PLCG1: variants seen among roughly 807,000 people sequenced by gnomAD.
The protein encoded by PLCG1 is 1-phosphatidylinositol 4,5-bisphosphate phosphodiesterase gamma-1.
A neutral mutation model predicts 177.8 loss-of-function variants in PLCG1; 71 were observed. That is an observed-to-expected ratio of 0.40 (90% CI 0.33 to 0.49). PLCG1 has a LOEUF of 0.49. PLCG1 is among the 20% of genes least tolerant of loss of function. The pLI, the probability that PLCG1 is intolerant of heterozygous loss-of-function variation, is 0.72. For missense variants in PLCG1, 1,281 were observed against 1,709.0 expected, an observed-to-expected ratio of 0.75 and a Z score of 4.42; for synonymous variants, 658 against 647.9, an observed-to-expected ratio of 1.02 and a Z score of -0.24.
At chr20:41,139,844 T>C (rs971987213) in intron 1 of PLCG1, among the ~76,000 whole-genome samples, 3 of 152,176 alleles carry the variant, frequency 2.0e-5, no homozygotes, top group Non-Finnish European at 4.4e-5. Flanking sequence ...CTTAGATTGC[T>C]ACTCAGAAAA....
chr20:41,137,559 T>A lies in PLCG1; in HGVS notation c.-83T>A. 2 of 789,050 alleles carry A rather than the reference T, an allele frequency of 2.5e-6. No individual in the cohort carries two copies. Among genetic ancestry groups the A allele is most frequent in the Non-Finnish European group, 3.4e-6 (2 of 588,004 alleles). 48.9% of individuals were successfully genotyped at this position (789,050 alleles called of 1,614,324 possible). A position where few individuals can be genotyped will look rare whatever the true frequency, so the allele number is the denominator to read the frequency against. On this transcript the variant is annotated 5_prime_UTR_variant, in exon 1 of 32. Coordinates refer to ENST00000685551, the MANE Select transcript of PLCG1 (RefSeq NM_002660.3). The surrounding 1 kb of genome is among the most constrained non-coding windows in gnomAD (Gnocchi z 7.3). ...GTCCCGCTCGTCTGCCGCCTCAGCC[T>A]CAGCCCCAACCTCAGCCGCCGCCGT...
Position 41,167,848 on chromosome 20 carries a change from C to T in PLCG1, c.2302-4C>T. 2 of 1,609,930 alleles carry T rather than the reference C, an allele frequency of 1.2e-6. No homozygotes were observed. Among genetic ancestry groups the T allele is most frequent in the Non-Finnish European group, 1.7e-6 (2 of 1,176,344 alleles). On this transcript the variant is annotated splice_polypyrimidine_tract_variant and splice_region_variant and intron_variant, in intron 19 of 31. Coordinates refer to ENST00000685551, the MANE Select transcript of PLCG1 (RefSeq NM_002660.3). This position sits in a 1 kb window ranked among gnomAD's most constrained non-coding sequence, Gnocchi z 4.4. ...TAACATATCCCATTGTGTCCTGTTT[C>T]CAGGAGCCTGACTACGGGGCCCTGT...
chr20:41,174,159 G>C lies in PLCG1; in HGVS notation c.3681G>C (p.Thr1227=). 1 of 1,614,130 alleles carries C rather than the reference G, an allele frequency of 6.2e-7. No individual in the cohort carries two copies. Among genetic ancestry groups the C allele is most frequent in the African/African-American group, 1.3e-5 (1 of 75,060 alleles). ...GTGACCTCAGTCCCTTCAGTGGTAC[G>C]TCCCTGCGGGAGCGGGGCTCAGATG... ...ENGDLSPFSG[T]SLRERGSDAS... is the part of the protein sequence containing the mutation. Residue 1227 remains threonine (T), a synonymous_variant, in exon 31 of 32, where the codon ACG becomes ACC. Coordinates refer to ENST00000685551, the MANE Select transcript of PLCG1 (RefSeq NM_002660.3). The surrounding 1 kb of genome is among the most constrained non-coding windows in gnomAD (Gnocchi z 5.8).
At chr20:41,140,579 T>A (rs2034790702) in intron 1 of PLCG1, among the ~76,000 whole-genome samples, 1 of 152,186 alleles carries the variant, frequency 6.6e-6, no homozygotes, top group Non-Finnish European at 1.5e-5. Context: ...ATGTAAGACC[T>A]TCTTCTGCCC....
Position 41,169,361 on chromosome 20 carries a change from A to G in PLCG1, c.2581-96A>G, listed in dbSNP as rs949519831. On this transcript the variant is annotated intron_variant, in intron 22 of 31. Transcript: ENST00000685551. Reference sequence around the variant, plus strand: ...TGTGCTACATTTGGCAGTCACAGGTACACCCACAAGATGTATTTGTCCCAT... The same window carrying G: ...TGTGCTACATTTGGCAGTCACAGGTGCACCCACAAGATGTATTTGTCCCAT... 120 of 1,064,638 alleles carry G rather than the reference A, an allele frequency of 1.1e-4. 1 individual carries two copies. Among genetic ancestry groups the G allele is most frequent in the Non-Finnish European group, 1.4e-4 (98 of 686,524 alleles). The allele number at this position is 1,064,638 out of a possible 1,614,324, so 65.9% of individuals were successfully genotyped here. A position where few individuals can be genotyped will look rare whatever the true frequency, so the allele number is the denominator to read the frequency against.
At position 41,164,099 on chromosome 20, in the gene PLCG1, C is replaced by T. The variant is rs759833563; in HGVS notation, c.1115C>T (p.Pro372Leu). 5.6e-6 allele frequency: 9 copies of T among 1,614,002 alleles called. No homozygotes were observed. Among genetic ancestry groups the T allele is most frequent in the Non-Finnish European group, 7.6e-6 (9 of 1,180,032 alleles). ...RCIELDCWDG[P>L]DGMPVIYHGH... ...TCCCCAGTGGACTGCTGGGACGGCC[C>T]GGATGGGATGCCAGTTATTTACCAT... is the stretch of plus-strand genomic sequence containing the variant. Residue 372 changes from proline (P) to leucine (L), a missense_variant, in exon 12 of 32, where the codon CCG becomes CTG. Physicochemically the swap from Pro to Leu is moderately conservative, Grantham distance 98. Around this residue, in one of 4 missense-constraint regions of PLCG1, gnomAD observed 31 missense variants for 82.1 expected, o/e 0.38. Transcript: ENST00000685551. This position sits in a 1 kb window ranked among gnomAD's most constrained non-coding sequence, Gnocchi z 6.4.
Position 41,172,899 on chromosome 20 carries a change from T to C in PLCG1, c.3279+22T>C. 3.1e-6 allele frequency: 5 copies of C among 1,610,048 alleles called. No individual in the cohort carries two copies. The highest frequency in any genetic ancestry group is 3.4e-6 in the Non-Finnish European group (4 of 1,177,324). On this transcript the variant is annotated intron_variant, in intron 27 of 31. Coordinates refer to ENST00000685551, the MANE Select transcript of PLCG1 (RefSeq NM_002660.3). This position sits in a 1 kb window ranked among gnomAD's most constrained non-coding sequence, Gnocchi z 7.0. ...TGAGGTGGGTGCTGCTCATCTGGGCTTCAGGGTAGGAAAGGGGCTGCTTGC... is the reference window on the plus strand; with the variant it reads ...TGAGGTGGGTGCTGCTCATCTGGGCCTCAGGGTAGGAAAGGGGCTGCTTGC...
At position 41,166,834 on chromosome 20, in the gene PLCG1, A is replaced by C. The variant is rs769279019; in HGVS notation, c.2276A>C (p.Glu759Ala). ...AAGCTGCGCTATCCCATCAACGAGG[A>C]GGCACTGGAGAAGATTGGCACAGCT... ...KMKLRYPINE[E>A]ALEKIGTAEP... is the part of the protein sequence containing the mutation. Residue 759 changes from glutamate (E) to alanine (A), a missense_variant, in exon 19 of 32, where the codon GAG (glutamate) becomes GCG (alanine). Physicochemically the swap from Glu to Ala is moderately radical, Grantham distance 107 (BLOSUM62 -1). Around this residue, in one of 4 missense-constraint regions of PLCG1, gnomAD observed 723 missense variants for 1,030.0 expected, o/e 0.70. Coordinates refer to ENST00000685551, the MANE Select transcript of PLCG1 (RefSeq NM_002660.3). This position sits in a 1 kb window ranked among gnomAD's most constrained non-coding sequence, Gnocchi z 8.6. The C allele has an allele frequency of 6.2e-7, 1 of 1,614,120 alleles. No individual in the cohort carries two copies. Among genetic ancestry groups the C allele is most frequent in the Non-Finnish European group, 8.5e-7 (1 of 1,180,022 alleles).
Position 41,163,383 on chromosome 20 carries a change from G to A in PLCG1, c.795G>A (p.Leu265=), listed in dbSNP as rs777969777. 1.3e-5 allele frequency: 21 copies of A among 1,612,206 alleles called. No individual in the cohort carries two copies. Among genetic ancestry groups the A allele is most frequent in the Non-Finnish European group, 1.6e-5 (19 of 1,178,334 alleles). The change falls in exon 9 of 32, where the codon CTG becomes CTA. Residue 265 remains leucine (L), a synonymous_variant. Transcript: ENST00000685551. The surrounding 1 kb of genome is among the most constrained non-coding windows in gnomAD (Gnocchi z 5.2). ...QQFLLDYQGE[L]WAVDRLQVQE... is the part of the protein sequence containing the mutation. The stretch of plus-strand genomic sequence containing the variant: ...TGCCCTCCCTACCCCATCAGGAGCT[G>A]TGGGCTGTTGATCGCCTCCAGGTGC...
rs543501953 is a variant in PLCG1 at position 41,148,884 on chromosome 20, G to T, written c.218-10722G>T. ...CTAGGGTACAGGCAGTCTTGGCTTT[G>T]AAGTATTGTTGGCTTTGCCACTCAC... On this transcript the variant is annotated intron_variant, in intron 1 of 31. Transcript: ENST00000685551. This position sits in a 1 kb window ranked among gnomAD's most constrained non-coding sequence, Gnocchi z 4.3. 5.9e-5 allele frequency among the ~76,000 whole-genome samples: 9 copies of T among 152,304 alleles called. No individual in the cohort carries two copies. The highest frequency in any genetic ancestry group is 1.9e-4 in the African/African-American group (8 of 41,558).
At chr20:41,142,145 G>T (rs942646294) in intron 1 of PLCG1, among the ~76,000 whole-genome samples, 2 of 152,206 alleles carry the variant, frequency 1.3e-5, no homozygotes, top group African/African-American at 4.8e-5. Flanking sequence ...TAATATAAAG[G>T]CCTCTACCAA....
rs1568728617 is a variant in PLCG1, at chr20:41,146,948, GCTTA to G, written c.217+9094_217+9097del. Among the ~76,000 whole-genome samples the G allele has an allele frequency of 2.0e-5, 3 of 152,160 alleles. No individual in the cohort carries two copies. On this transcript the variant is annotated intron_variant, in intron 1 of 31. Coordinates refer to ENST00000685551, the MANE Select transcript of PLCG1 (RefSeq NM_002660.3). This position sits in a 1 kb window ranked among gnomAD's most constrained non-coding sequence, Gnocchi z 6.3. The stretch of plus-strand genomic sequence containing the variant: ...GGCCATAGGTCCCACAGGTTTCTCA[GCTTA>G]CTTGGGGGCAGGAGGTGAGCTAAGG...
chr20:41,169,717 C>T lies in PLCG1; in HGVS notation c.2650+191C>T, dbSNP rs552569429. ...TTGTCACTGTCAGCTTTGACCCCTG[C>T]ATGTTTACCTATGCCAGGCACTGGG... is the stretch of plus-strand genomic sequence containing the variant. On this transcript the variant is annotated intron_variant, in intron 23 of 31. Transcript: ENST00000685551. 6.7e-6 allele frequency: 4 copies of T among 599,618 alleles called. No homozygotes were observed. In the South Asian group the frequency reaches 8.2e-5, roughly 12 times the overall value. 37.1% of individuals were successfully genotyped at this position (599,618 alleles called of 1,614,324 possible).
Position 41,164,892 on chromosome 20 carries a change from T to A in PLCG1, c.1218-41T>A, listed in dbSNP as rs368444563. The A allele has an allele frequency of 1.3e-6, 2 of 1,589,792 alleles. No individual in the cohort carries two copies. The highest frequency in any genetic ancestry group is 3.4e-5 in the Admixed American group (2 of 59,020). ...TGAGGGGCTACTTAGACCCAGAGAA[T>A]TGCAGAATCTGTTTCACTGTGCTTG... is the stretch of plus-strand genomic sequence containing the variant. On this transcript the variant is annotated intron_variant, in intron 12 of 31. Transcript: ENST00000685551. The surrounding 1 kb of genome is among the most constrained non-coding windows in gnomAD (Gnocchi z 6.4).
rs767319462 is a variant in PLCG1 at position 41,147,529 on chromosome 20, C to T, written c.217+9671C>T. Among the ~76,000 whole-genome samples the T allele has an allele frequency of 2.6e-5, 4 of 152,208 alleles. No homozygotes were observed. The highest frequency in any genetic ancestry group is 5.9e-5 in the Non-Finnish European group (4 of 68,040). ...AGAGAAAGAAATCCAAGGTAGCCATCTCTCTCAGTAGGGGAGGTGAGTTCA... is the reference window on the plus strand; with the variant it reads ...AGAGAAAGAAATCCAAGGTAGCCATTTCTCTCAGTAGGGGAGGTGAGTTCA... On this transcript the variant is annotated intron_variant, in intron 1 of 31. Transcript: ENST00000685551. The surrounding 1 kb of genome is among the most constrained non-coding windows in gnomAD (Gnocchi z 4.0).
rs2035632012 is a variant in PLCG1, at chr20:41,165,003, A to C, written c.1288A>C (p.Lys430Gln). 6.2e-7 allele frequency: 1 copy of C among 1,614,170 alleles called. No homozygotes were observed. Among genetic ancestry groups the C allele is most frequent in the Non-Finnish European group, 8.5e-7 (1 of 1,180,034 alleles). Residue 430 changes from lysine (K) to glutamine (Q), a missense_variant, in exon 13 of 32, where the codon AAG becomes CAG. Transcript: ENST00000685551. This position sits in a 1 kb window ranked among gnomAD's most constrained non-coding sequence, Gnocchi z 6.6. ...GCAGAGAAACATGGCCCAATACTTC[A>C]AGAAGGTGCTGGGGGACACACTCCT... ...AQQRNMAQYF[K>Q]KVLGDTLLTK...
At chr20:41,168,915 G>C (rs369751346) in intron 21 of PLCG1, 45 bp downstream of exon 21, 6 of 1,366,622 alleles carry the variant, frequency 4.4e-6, no homozygotes, top group Admixed American at 3.5e-5. Context: ...GGCCCCAGTG[G>C]AGCTGGGGCC....
In PLCG1 at chr20:41,176,442, C is replaced by T. The variant is rs915752721; in HGVS notation, c.*1933C>T. 6.6e-6 allele frequency: 1 copy of T among 152,202 alleles called. No individual in the cohort carries two copies. Among genetic ancestry groups the T allele is most frequent in the Non-Finnish European group, 1.5e-5 (1 of 68,040 alleles). The allele number at this position is 152,202 out of a possible 1,614,324, so 9.4% of individuals were successfully genotyped here. On this transcript the variant is annotated 3_prime_UTR_variant, in exon 32 of 32. Transcript: ENST00000685551. ...TTTATGGCCTGGAGAGAAAGGTTTC[C>T]TATCAGAGAAGGAAGAGGACTGTGT... is the stretch of plus-strand genomic sequence containing the variant.
In PLCG1 at chr20:41,173,679, C is replaced by G; in HGVS notation, c.3422C>G (p.Pro1141Arg). Residue 1141 changes from proline (P) to arginine (R), a missense_variant, in exon 29 of 32, where the codon CCA becomes CGA. Transcript: ENST00000685551. This position sits in a 1 kb window ranked among gnomAD's most constrained non-coding sequence, Gnocchi z 6.2. ...GACAATGGACTCAACCCTGTATGGC[C>G]AGCCAAGCCCTTCCACTTCCAGATC... is the stretch of plus-strand genomic sequence containing the variant. ...VVDNGLNPVW[P>R]AKPFHFQISN... 1 of 1,614,184 alleles carries G rather than the reference C, an allele frequency of 6.2e-7. No individual in the cohort carries two copies. The highest frequency in any genetic ancestry group is 8.5e-7 in the Non-Finnish European group (1 of 1,180,036).
Sources: gnomAD v4.1 joint callset for allele counts (sites outside exome capture counted in the v4.1 genomes callset) on GRCh38, gnomAD v4.1.1 for gene constraint, gnomAD v4.1.1 regional missense constraint, Gnocchi (gnomAD v3.1) non-coding constraint, MANE v1.5 for transcripts, NCBI Gene and HGNC (gene_info 2026-07-23, HGNC 2026-07-21) for gene names.